Variants in CSGALNACT1 observed in about 807,000 individuals in gnomAD.
CSGALNACT1 encodes the protein chondroitin sulfate N-acetylgalactosaminyltransferase 1.
Under a neutral mutation model 51.0 loss-of-function variants are expected in CSGALNACT1, and 52 were observed. That is an observed-to-expected ratio of 1.02 (90% CI 0.82 to 1.29). The LOEUF is 1.29. CSGALNACT1 is among the 50% of genes most tolerant of loss of function. The pLI, the probability that CSGALNACT1 is intolerant of heterozygous loss-of-function variation, is 0.00. For missense variants in CSGALNACT1, 935 were observed against 679.2 expected, an observed-to-expected ratio of 1.38 and a Z score of -4.19; for synonymous variants, 341 against 254.4, an observed-to-expected ratio of 1.34 and a Z score of -3.24.
intron 1 of CSGALNACT1, among the ~76,000 whole-genome samples, chr8:19,753,693 G>C (rs28694703): frequency 6.6e-6 from 1 of 152,076 alleles, no homozygotes; most frequent in Non-Finnish European, 1.5e-5. Context: ...ACAGATTAAA[G>C]GTATTTAGTT....
At chr8:19,540,341 G>C (rs973120472) in intron 3 of CSGALNACT1, among the ~76,000 whole-genome samples, 10 of 152,144 alleles carry the variant, frequency 6.6e-5, no homozygotes, top group African/African-American at 2.2e-4. Flanking sequence ...TTATTCTTTA[G>C]TGTTACCTGG....
At chr8:19,695,444 C>T (rs2061537472) in intron 1 of CSGALNACT1, among the ~76,000 whole-genome samples, 1 of 152,152 alleles carries the variant, frequency 6.6e-6, no homozygotes, top group Non-Finnish European at 1.5e-5. Context: ...CAATCTCTCT[C>T]CTGGCCTCAA....
intron 1 of CSGALNACT1, among the ~76,000 whole-genome samples, chr8:19,628,904 C>G (rs1461824757): frequency 6.6e-6 from 1 of 152,144 alleles, no homozygotes; most frequent in Non-Finnish European, 1.5e-5. Context: ...AAACCAAACA[C>G]AGCATGCAAA....
intron 1 of CSGALNACT1, among the ~76,000 whole-genome samples, chr8:19,611,971 T>G (rs1172811742): frequency 1.3e-5 from 2 of 152,048 alleles, no homozygotes; most frequent in Non-Finnish European, 2.9e-5. Context: ...ATTGATTAAT[T>G]CTAAGACTCC....
intron 8 of CSGALNACT1, among the ~76,000 whole-genome samples, chr8:19,412,228 GCAC>G (rs2055927944): frequency 6.6e-6 from 1 of 152,204 alleles, no homozygotes; most frequent in African/African-American, 2.4e-5. Flanking sequence ...TCCCAGCAGA[GCAC>G]TGCAGGGCAT....
At chr8:19,648,233 T>C (rs777281174) in intron 1 of CSGALNACT1, among the ~76,000 whole-genome samples, 2 of 152,222 alleles carry the variant, frequency 1.3e-5, no homozygotes, top group African/African-American at 2.4e-5. Context: ...CCAAAGAATC[T>C]AGCAACATTA....
At chr8:19,756,321 G>A (rs1408062604) in intron 1 of CSGALNACT1, among the ~76,000 whole-genome samples, 1 of 152,062 alleles carries the variant, frequency 6.6e-6, no homozygotes, top group African/African-American at 2.4e-5. Flanking sequence ...TTTGAAACCA[G>A]AAGAAAAGTG....
In CSGALNACT1 at chr8:19,505,959, T is replaced by C; in HGVS notation, c.-125A>G. 1 of 1,094,894 alleles carries C rather than the reference T, an allele frequency of 9.1e-7. No individual in the cohort carries two copies. Among genetic ancestry groups the C allele is most frequent in the Non-Finnish European group, 1.4e-6 (1 of 740,072 alleles). The allele number at this position is 1,094,894 out of a possible 1,614,324, so 67.8% of individuals were successfully genotyped here. ...GGGCCCCCGGAGCTGCTTGCATCCA[T>C]TTCCTTCTAGAACGAGTTCTGCCTC... On this transcript the variant is annotated 5_prime_UTR_variant, in exon 4 of 10. An upstream start codon of the reference 5' UTR is lost. Coordinates refer to ENST00000454498, the Ensembl canonical transcript of CSGALNACT1.
intron 1 of CSGALNACT1, among the ~76,000 whole-genome samples, chr8:19,636,023 T>C (rs1338462221): frequency 6.6e-6 from 1 of 152,140 alleles, no homozygotes; most frequent in African/African-American, 2.4e-5. Flanking sequence ...AGCCTGTTCA[T>C]TCATTTTTCA....
intron 6 of CSGALNACT1, among the ~76,000 whole-genome samples, chr8:19,422,584 G>A (rs562620391): frequency 2.0e-5 from 3 of 152,158 alleles, no homozygotes; most frequent in African/African-American, 2.4e-5. Context: ...TCTTTTCTCT[G>A]GGGGGGTGCC....
chr8:19,431,681 G>T (rs138372764), intron 6 of CSGALNACT1, among the ~76,000 whole-genome samples: 1 of 152,084 alleles, frequency 6.6e-6, no homozygotes, highest in African/African-American at 2.4e-5. Flanking sequence ...GCTTCAAAGA[G>T]TAAGTTGGAA....
At position 19,513,436 on chromosome 8, in the gene CSGALNACT1, C is replaced by CTCTA; in HGVS notation, c.-296-7307_-296-7306insTAGA. 7.3e-3 allele frequency among the ~76,000 whole-genome samples: 598 copies of CTCTA among 81,946 alleles called. 3 individuals are homozygous for CTCTA. The highest frequency in any genetic ancestry group is 7.7e-3 in the African/African-American group (211 of 27,544). The allele number at this position is 81,946 out of a possible 152,430, so 53.8% of individuals were successfully genotyped here. The stretch of plus-strand genomic sequence containing the variant: ...TCTCACTCTCTCTCTCTCTCTCTCT[C>CTCTA]TATATATATATATATATATATATAT... On this transcript the variant is annotated intron_variant, in intron 3 of 9. Coordinates refer to ENST00000454498, the Ensembl canonical transcript of CSGALNACT1.
At chr8:19,441,176 T>A (rs2061278960) in intron 5 of CSGALNACT1, among the ~76,000 whole-genome samples, 1 of 152,096 alleles carries the variant, frequency 6.6e-6, no homozygotes, top group Non-Finnish European at 1.5e-5. Flanking sequence ...GCCATCCCCA[T>A]CAAGCTACCA....
At chr8:19,412,677 C>A (rs569949718) in intron 8 of CSGALNACT1, among the ~76,000 whole-genome samples, 22 of 152,316 alleles carry the variant, frequency 1.4e-4, no homozygotes, top group African/African-American at 5.1e-4. Context: ...GGCCCCAAGG[C>A]CTGCTGTCAC....
At chr8:19,520,153 G>A (rs552989329) in intron 3 of CSGALNACT1, among the ~76,000 whole-genome samples, 2 of 152,334 alleles carry the variant, frequency 1.3e-5, no homozygotes, top group South Asian at 2.1e-4. Context: ...CACAAATGAG[G>A]GGCTTTCTTT....
At chr8:19,495,133 T>C (rs1320477417) in intron 4 of CSGALNACT1, 1 of 152,208 alleles carries the variant, frequency 6.6e-6, no homozygotes, top group African/African-American at 2.4e-5. Flanking sequence ...GAATGCGTCC[T>C]AGACCCTATC....
At chr8:19,712,891 C>G (rs935780649) in intron 1 of CSGALNACT1, among the ~76,000 whole-genome samples, 1 of 152,308 alleles carries the variant, frequency 6.6e-6, no homozygotes, top group Middle Eastern at 3.4e-3. Context: ...TGAACCCAAT[C>G]CTGACTGATG....
At chr8:19,450,558 T>A (rs1245231411) in intron 5 of CSGALNACT1, among the ~76,000 whole-genome samples, 1 of 150,642 alleles carries the variant, frequency 6.6e-6, no homozygotes, top group Non-Finnish European at 1.5e-5. Flanking sequence ...ACAGCAGGAG[T>A]GAAGGAGCCT....
rs141954540 is a variant in CSGALNACT1 at position 19,523,676 on chromosome 8, A to T, written c.-296-17546T>A. Among the ~76,000 whole-genome samples, 281 of 152,318 alleles carry T rather than the reference A, an allele frequency of 1.8e-3. 2 individuals are homozygous for T. The highest frequency in any genetic ancestry group is 6.4e-3 in the African/African-American group (267 of 41,570). ...TAAACAATGTGAATTGTATTCACGT[A>T]ATCATCAAATATCTATTAAATGCTT... On this transcript the variant is annotated intron_variant, in intron 3 of 9. Transcript: ENST00000454498.
Sources: gnomAD v4.1 joint callset for allele counts (sites outside exome capture counted in the v4.1 genomes callset) on GRCh38, gnomAD v4.1.1 for gene constraint, MANE v1.5 for transcripts, NCBI Gene and HGNC (gene_info 2026-07-23, HGNC 2026-07-21) for gene names.